RAPGEF6: variants seen among roughly 807,000 people sequenced by gnomAD.
The protein encoded by RAPGEF6 is Rap guanine nucleotide exchange factor 6, also known as PDZ domain containing guanine nucleotide exchange factor (GEF) 2.
Under a neutral mutation model 171.4 loss-of-function variants are expected in RAPGEF6, and 56 were observed. That is an observed-to-expected ratio of 0.33 (90% CI 0.26 to 0.41). The LOEUF (loss-of-function observed/expected upper bound fraction) is 0.41. RAPGEF6 is among the 10% of genes least tolerant of loss of function. The pLI, the probability that RAPGEF6 is intolerant of heterozygous loss-of-function variation, is 1.00. For synonymous variants in RAPGEF6, 692 were observed against 650.1 expected, an observed-to-expected ratio of 1.06 and a Z score of -0.98; for missense variants, 1,674 against 1,921.4, an observed-to-expected ratio of 0.87 and a Z score of 2.41.
chr5:131,560,785 TA>T (rs1761549904), intron 5 of RAPGEF6, among the ~76,000 whole-genome samples: 1 of 152,256 alleles, frequency 6.6e-6, no homozygotes, highest in African/African-American at 2.4e-5. Context: ...TGTAAGAGCT[TA>T]AAATCCAGTT....
rs570067973 is a variant in RAPGEF6 at position 131,599,998 on chromosome 5, GTAC to G, written c.197+3270_197+3272del. ...TCTGTAAGCAACCTGTCAAGTTTTGGTACTGTTTTAAAGAAGAATACCCAACTT... is the reference window on the plus strand; with the variant it reads ...TCTGTAAGCAACCTGTCAAGTTTTGGTGTTTTAAAGAAGAATACCCAACTT... On this transcript the variant is annotated intron_variant, in intron 3 of 27. Transcript: ENST00000509018. Among the ~76,000 whole-genome samples, 672 of 152,232 alleles carry G rather than the reference GTAC, an allele frequency of 4.4e-3. 8 individuals are homozygous for G. The highest frequency in any genetic ancestry group is 0.015 in the African/African-American group (634 of 41,546).
intron 24 of RAPGEF6, among the ~76,000 whole-genome samples, chr5:131,436,725 A>G (rs1332015640): frequency 2.0e-5 from 3 of 152,226 alleles, no homozygotes; most frequent in African/African-American, 7.2e-5. Flanking sequence ...TATTTCTGTA[A>G]AGTAACTATG....
chr5:131,596,211 C>T (rs1479624832), intron 3 of RAPGEF6, among the ~76,000 whole-genome samples: 1 of 116,154 alleles, frequency 8.6e-6, no homozygotes, highest in African/African-American at 2.5e-5. Context: ...AATGGAAAGC[C>T]AAAGCAAACA....
chr5:131,436,336 C>T, intron 24 of RAPGEF6: 2 of 1,537,606 alleles, frequency 1.3e-6, no homozygotes, highest in Non-Finnish European at 1.7e-6. Context: ...TCCGGGGCAG[C>T]TCTGGCCACT....
At chr5:131,433,365 G>A (rs1389235560) in intron 25 of RAPGEF6, 65 bp downstream of exon 25, 1 of 1,424,752 alleles carries the variant, frequency 7.0e-7, no homozygotes, top group Non-Finnish European at 9.9e-7. Flanking sequence ...TCAAGGTGGG[G>A]AGCACTCCTT....
rs762605305 is a variant in RAPGEF6 at position 131,479,495 on chromosome 5, A to T, written c.2081+18T>A. ...TGAAGATGAAAATTCCTGCATAGCT[A>T]AGATCGGCATTACCTACCTAAATAG... On this transcript the variant is annotated intron_variant, in intron 16 of 27. Transcript: ENST00000509018. The T allele has an allele frequency of 6.2e-7, 1 of 1,612,120 alleles. No individual in the cohort carries two copies. The highest frequency in any genetic ancestry group is 8.5e-7 in the Non-Finnish European group (1 of 1,178,634).
chr5:131,606,194 T>A (rs909911893), intron 1 of RAPGEF6, among the ~76,000 whole-genome samples: 2 of 151,524 alleles, frequency 1.3e-5, no homozygotes, highest in Non-Finnish European at 2.9e-5. Flanking sequence ...GAAACTTGCC[T>A]CTACAAAAAA....
chr5:131,625,281 C>T (rs561077956), intron 1 of RAPGEF6, among the ~76,000 whole-genome samples: 22 of 152,136 alleles, frequency 1.4e-4, no homozygotes, highest in Non-Finnish European at 2.6e-4. Flanking sequence ...AACAAACAAA[C>T]AAAACAAATT....
intron 5 of RAPGEF6, among the ~76,000 whole-genome samples, chr5:131,552,741 G>A (rs748726382): frequency 6.6e-6 from 1 of 151,962 alleles, no homozygotes. Context: ...CATTACAGGC[G>A]TGAGCCACCA....
intron 18 of RAPGEF6, among the ~76,000 whole-genome samples, chr5:131,462,815 A>T (rs1296191303): frequency 6.6e-6 from 1 of 152,214 alleles, no homozygotes; most frequent in African/African-American, 2.4e-5. Context: ...CTAATAATCC[A>T]ACTTGATTTA....
At chr5:131,634,940 CA>C (rs1561626704) in intron 1 of RAPGEF6, 21 bp downstream of exon 1, 3 of 1,614,004 alleles carry the variant, frequency 1.9e-6, no homozygotes, top group Non-Finnish European at 2.5e-6. Flanking sequence ...GTGAGACGCA[CA>C]TAAAGGTCAA....
intron 3 of RAPGEF6, among the ~76,000 whole-genome samples, chr5:131,600,597 G>A (rs115791976): frequency 0.015 from 2,045 of 136,030 alleles, 71 homozygotes; most frequent in African/African-American, 0.052. Flanking sequence ...GAGGGGAGGG[G>A]AAGGGAGGGG....
At chr5:131,521,188 C>T (rs1452507103) in intron 7 of RAPGEF6, among the ~76,000 whole-genome samples, 1 of 152,110 alleles carries the variant, frequency 6.6e-6, no homozygotes, top group Non-Finnish European at 1.5e-5. Context: ...TCTGCTGAAC[C>T]ATACTTAATC....
At chr5:131,570,032 ACT>A (rs1349045827) in intron 4 of RAPGEF6, among the ~76,000 whole-genome samples, 4 of 116,708 alleles carry the variant, frequency 3.4e-5, no homozygotes, top group Admixed American at 2.5e-4. Flanking sequence ...GCAGAGCAAG[ACT>A]CTGTCTCAAA....
At chr5:131,492,442 A>G in intron 14 of RAPGEF6, 140 bp downstream of exon 14, 1 of 759,018 alleles carries the variant, frequency 1.3e-6, no homozygotes, top group African/African-American at 1.8e-5. Context: ...AAAATAAACC[A>G]TATGCAGATA....
At chr5:131,478,218 A>G (rs1755238957) in intron 16 of RAPGEF6, among the ~76,000 whole-genome samples, 1 of 152,226 alleles carries the variant, frequency 6.6e-6, no homozygotes, top group African/African-American at 2.4e-5. Flanking sequence ...AGATGAGGAT[A>G]TCTGATTGGA....
At position 131,442,378 on chromosome 5, in the gene RAPGEF6, T is replaced by C. The variant is rs146056349; in HGVS notation, c.3581A>G (p.Lys1194Arg). 30 of 1,614,132 alleles carry C rather than the reference T, an allele frequency of 1.9e-5. 1 individual carries two copies. In the Admixed American group the frequency reaches 3.5e-4, roughly 19 times the overall value. Reference sequence around the variant, plus strand: ...TGCAGGGTCTTTTGTTTGTCCCTTCTTCCTGATGGGGTGCAAATTAACAGC... The same window carrying C: ...TGCAGGGTCTTTTGTTTGTCCCTTCCTCCTGATGGGGTGCAAATTAACAGC... ...VPAVNLHPIR[K>R]KGQTKDPALN... The change falls in exon 23 of 28, where the codon AAG (lysine) becomes AGG (arginine). Residue 1194 changes from lysine (K) to arginine (R), a missense_variant. Lys to Arg is a conservative substitution (Grantham distance 26, BLOSUM62 2). Coordinates refer to ENST00000509018, the MANE Select transcript of RAPGEF6 (RefSeq NM_016340.6).
intron 16 of RAPGEF6, 105 bp downstream of exon 16, chr5:131,479,408 T>C: frequency 8.5e-7 from 1 of 1,180,260 alleles, no homozygotes; most frequent in Non-Finnish European, 1.2e-6. Flanking sequence ...TATGATACAT[T>C]AGTTATATAA....
At chr5:131,589,276 T>C (rs150783277) in intron 4 of RAPGEF6, among the ~76,000 whole-genome samples, 81 of 152,314 alleles carry the variant, frequency 5.3e-4, no homozygotes, top group African/African-American at 1.9e-3. Context: ...ACAAAGACTG[T>C]AGTAAGTAGC....
Sources: gnomAD v4.1 joint callset for allele counts (sites outside exome capture counted in the v4.1 genomes callset) on GRCh38, gnomAD v4.1.1 for gene constraint, MANE v1.5 for transcripts, NCBI Gene and HGNC (gene_info 2026-07-23, HGNC 2026-07-21) for gene names.